The following KRABD4 variants were observed in gnomAD, a reference collection of about 807,000 sequenced individuals.
KRABD4 encodes the protein KRAB domain-containing protein 4.
chrX:46,461,736 A>G, the KRABD4 span, among the ~76,000 whole-genome samples: 3 of 112,050 alleles, frequency 2.7e-5, no homozygotes, highest in African/African-American at 9.8e-5. Context: ...TGCCCAGGCC[A>G]CAAACCTCTG....
At chrX:46,474,372 G>A in the KRABD4 span, 4 of 111,466 alleles carry the variant, frequency 3.6e-5, no homozygotes, top group Non-Finnish European at 7.5e-5. Flanking sequence ...ATTTGCGGAT[G>A]GAAGGCGTGA....
chrX:46,467,680 A>C, the KRABD4 span, among the ~76,000 whole-genome samples: 4 of 111,779 alleles, frequency 3.6e-5, no homozygotes, highest in Non-Finnish European at 7.5e-5. Context: ...TTGTGATTTA[A>C]ATTTGCATTT....
chrX:46,456,919 C>A, the KRABD4 span: 2 of 297,562 alleles, frequency 6.7e-6, no homozygotes, highest in East Asian at 6.6e-5. Context: ...TGAGAAAAAA[C>A]CCAACTTCTG....
chrX:46,458,824 A>G, the KRABD4 span, among the ~76,000 whole-genome samples: 1 of 111,628 alleles, frequency 9.0e-6, no homozygotes, highest in Non-Finnish European at 1.9e-5. Flanking sequence ...TGATAGCTAT[A>G]CTACCAGGTG....
At chrX:46,470,017 A>AT in the KRABD4 span, among the ~76,000 whole-genome samples, 1,230 of 110,070 alleles carry the variant, frequency 0.011, 23 homozygotes, top group African/African-American at 0.039. Flanking sequence ...TGCATGTACC[A>AT]TTTTTTTATT....
At chrX:46,455,341 T>C in the KRABD4 span, 1 of 515,139 alleles carries the variant, frequency 1.9e-6, no homozygotes, top group South Asian at 2.6e-5. Context: ...ATCTATATCA[T>C]CTACATAAGC....
At chrX:46,468,443 G>A in the KRABD4 span, among the ~76,000 whole-genome samples, 6 of 110,112 alleles carry the variant, frequency 5.4e-5, no homozygotes, top group African/African-American at 9.9e-5. Flanking sequence ...CACAAGAATC[G>A]CTTGAACCCA....
the KRABD4 span, among the ~76,000 whole-genome samples, chrX:46,461,946 CT>C: frequency 0.15 from 16,305 of 109,730 alleles, 1,092 homozygotes; most frequent in East Asian, 0.41. Flanking sequence ...CTATGAGTGT[CT>C]TGAGTGTCTT....
At chrX:46,448,681 C>G in the KRABD4 span, 2 of 113,288 alleles carry the variant, frequency 1.8e-5, no homozygotes, top group African/African-American at 3.2e-5. Flanking sequence ...TGGATGTCCC[C>G]CCATGGGGCA....
At chrX:46,472,749 G>C in the KRABD4 span, 5 of 1,207,539 alleles carry the variant, frequency 4.1e-6, no homozygotes, top group Non-Finnish European at 5.6e-6. Flanking sequence ...TTTTCTTCTA[G>C]AAGTCTGGCA....
At chrX:46,454,880 T>C in the KRABD4 span, 18 of 124,874 alleles carry the variant, frequency 1.4e-4, no homozygotes, top group South Asian at 5.5e-3. Context: ...TTTTAGCTTA[T>C]CAGCTGTCAT....
chrX:46,473,787 T>C, the KRABD4 span: 1 of 142,809 alleles, frequency 7.0e-6, no homozygotes, highest in South Asian at 1.9e-4. Context: ...CCCAAATAGT[T>C]GGGATTACAG....
the KRABD4 span, chrX:46,455,415 C>A: frequency 2.2e-6 from 1 of 453,818 alleles, no homozygotes. Context: ...GAGTAGGCTG[C>A]ATCAAAGTTA....
the KRABD4 span, chrX:46,474,137 A>G: frequency 3.6e-5 from 4 of 112,238 alleles, no homozygotes; most frequent in South Asian, 1.5e-3. Flanking sequence ...TACACCAAAA[A>G]TAAGTTATAA....
the KRABD4 span, chrX:46,455,504 C>T: frequency 2.3e-6 from 1 of 430,282 alleles, no homozygotes; most frequent in Middle Eastern, 4.0e-4. Flanking sequence ...GCAGTTTGTC[C>T]ACCTGAGAAA....
the KRABD4 span, among the ~76,000 whole-genome samples, chrX:46,448,984 C>T: frequency 9.0e-6 from 1 of 110,815 alleles, no homozygotes; most frequent in African/African-American, 3.3e-5. Flanking sequence ...TGCCTTATTT[C>T]AATGCTTAAT....
At chrX:46,456,013 A>G in the KRABD4 span, 3 of 346,102 alleles carry the variant, frequency 8.7e-6, no homozygotes, top group Non-Finnish European at 1.7e-5. Flanking sequence ...GGCTAAAGTC[A>G]TCTGTAAAGT....
chrX:46,450,900 A>G, the KRABD4 span, among the ~76,000 whole-genome samples: 1 of 109,131 alleles, frequency 9.2e-6, no homozygotes, highest in Admixed American at 9.8e-5. Context: ...ACGGGGCTTC[A>G]CCATGTTGGC....
the KRABD4 span, among the ~76,000 whole-genome samples, chrX:46,451,687 AT>A: frequency 2.0e-4 from 22 of 111,328 alleles, no homozygotes; most frequent in African/African-American, 7.2e-4. Flanking sequence ...AGACCAGATA[AT>A]TTCTGTGTTC....
Sources: gnomAD v4.1 joint callset for allele counts (sites outside exome capture counted in the v4.1 genomes callset) on GRCh38, gnomAD v4.1.1 for gene constraint, MANE v1.5 for transcripts, NCBI Gene and HGNC (gene_info 2026-07-23, HGNC 2026-07-21) for gene names.